Variants in NTAN1 observed in about 807,000 individuals in gnomAD.
NTAN1 encodes the protein N-terminal asparagine amidase.
Under a neutral mutation model 41.9 loss-of-function variants are expected in NTAN1, and 32 were observed. That is an observed-to-expected ratio of 0.76 (90% CI 0.58 to 1.03). The LOEUF is 1.03. NTAN1 is among the 50% of genes least tolerant of loss of function. NTAN1 has a pLI of 0.00. For missense variants in NTAN1, 377 were observed against 377.5 expected (o/e 1.00, Z 0.01); for synonymous variants, 140 against 139.5 (o/e 1.00, Z -0.03).
chr16:15,055,809 T>C (rs1006773757), intron 1 of NTAN1, 82 bp downstream of exon 1: 2 of 737,816 alleles, frequency 2.7e-6, no homozygotes, highest in Admixed American at 4.4e-5. Flanking sequence ...GTTTCAAGTC[T>C]GTGTCGCGTG....
chr16:15,054,138 C>T (rs1212399682), intron 1 of NTAN1, among the ~76,000 whole-genome samples: 1 of 152,198 alleles, frequency 6.6e-6, no homozygotes, highest in East Asian at 1.9e-4. Flanking sequence ...CCGCCGCGCC[C>T]CAGGCGGCTT....
At chr16:15,038,512 T>A in intron 9 of NTAN1, 62 bp downstream of exon 9, 1 of 968,054 alleles carries the variant, frequency 1.0e-6, no homozygotes, top group Non-Finnish European at 1.6e-6. Context: ...ACCCTTTTTT[T>A]CTTACAGATG....
At chr16:15,043,101 T>C (rs2043896201) in intron 5 of NTAN1, among the ~76,000 whole-genome samples, 1 of 152,096 alleles carries the variant, frequency 6.6e-6, no homozygotes, top group Non-Finnish European at 1.5e-5. Flanking sequence ...GGTTTCTCCA[T>C]GTTGGTCAGG....
At chr16:15,040,160 G>A (rs2043747393) in intron 7 of NTAN1, 94 bp from the exon 8 acceptor site, 1 of 685,446 alleles carries the variant, frequency 1.5e-6, no homozygotes, top group Non-Finnish European at 2.5e-6. Context: ...CTAAGAGAAA[G>A]ATAGGAAAGT....
At chr16:15,049,044 C>A (rs895268611) in intron 1 of NTAN1, among the ~76,000 whole-genome samples, 1 of 147,738 alleles carries the variant, frequency 6.8e-6, no homozygotes, top group Non-Finnish European at 1.5e-5. Flanking sequence ...CAGGCACACA[C>A]CGCCACACCT....
At chr16:15,053,480 TA>T (rs58008251) in intron 1 of NTAN1, among the ~76,000 whole-genome samples, 3 of 152,208 alleles carry the variant, frequency 2.0e-5, no homozygotes, top group Admixed American at 1.3e-4. Flanking sequence ...ATCATTTTTT[TA>T]AAAAAAGTAA....
At chr16:15,046,971 C>T (rs2044097614) in intron 4 of NTAN1, among the ~76,000 whole-genome samples, 1 of 152,152 alleles carries the variant, frequency 6.6e-6, no homozygotes, top group Admixed American at 6.6e-5. Flanking sequence ...CCCGCCTCAC[C>T]ACCCAACACC....
In NTAN1 at chr16:15,047,368, A is replaced by G; in HGVS notation, c.359+74T>C. On this transcript the variant is annotated intron_variant, in intron 4 of 9. Coordinates refer to ENST00000287706, the MANE Select transcript of NTAN1 (RefSeq NM_173474.4). The stretch of plus-strand genomic sequence containing the variant: ...TGGTGGCATCCTGTGTTCCCCTAAC[A>G]GCTTCCACAGCCACGTCCTGTATGC... 3.1e-6 allele frequency: 3 copies of G among 975,320 alleles called. No homozygotes were observed. In the Admixed American group the frequency reaches 5.2e-5, roughly 17 times the overall value. The allele number at this position is 975,320 out of a possible 1,614,324, so 60.4% of individuals were successfully genotyped here.
At chr16:15,050,265 T>A (rs1422279697) in intron 1 of NTAN1, among the ~76,000 whole-genome samples, 1 of 152,222 alleles carries the variant, frequency 6.6e-6, no homozygotes, top group Admixed American at 6.5e-5. Flanking sequence ...CAATGTATCA[T>A]AATTTCCTTC....
Position 15,038,592 on chromosome 16 carries a change from A to G in NTAN1, c.735T>C (p.Asp245=), listed in dbSNP as rs1170580333. The part of the protein sequence containing the change: ...FPHVDFWLHQ[D]DKQILENLST... ...CTCTCACCTCTAGTATTTGCTTGTC[A>G]TCTTGGTGCAACCAGAAATCCACAT... Residue 245 remains aspartate (D), a synonymous_variant, in exon 9 of 10, where the codon GAT becomes GAC. Coordinates refer to ENST00000287706, the MANE Select transcript of NTAN1 (RefSeq NM_173474.4). 1 of 1,593,262 alleles carries G rather than the reference A, an allele frequency of 6.3e-7. No individual in the cohort carries two copies. The highest frequency in any genetic ancestry group is 1.1e-5 in the South Asian group (1 of 90,552).
chr16:15,049,029 GA>G, intron 1 of NTAN1, among the ~76,000 whole-genome samples: 1 of 145,864 alleles, frequency 6.9e-6, no homozygotes, highest in African/African-American at 2.6e-5. Context: ...AAAGTGCTGG[GA>G]GTACAGGCAC....
intron 5 of NTAN1, 120 bp downstream of exon 5, chr16:15,044,214 G>A: frequency 1.5e-6 from 1 of 674,330 alleles, no homozygotes; most frequent in Admixed American, 2.2e-5. Flanking sequence ...CTGTTTCTCT[G>A]TGCTGCTCCA....
intron 7 of NTAN1, among the ~76,000 whole-genome samples, chr16:15,040,745 G>A (rs562715532): frequency 5.9e-4 from 90 of 152,258 alleles, no homozygotes; most frequent in Non-Finnish European, 6.3e-4. Flanking sequence ...AAAGCACGCC[G>A]GGCCTGGGGT....
Position 15,038,192 on chromosome 16 carries a change from G to A in NTAN1, c.772C>T (p.Leu258=). The change falls in exon 10 of 10, where the codon CTG becomes TTG. Residue 258 remains leucine (L), a synonymous_variant. Coordinates refer to ENST00000287706, the MANE Select transcript of NTAN1 (RefSeq NM_173474.4). ...QILENLSTSP[L]AEPPHFVEHI... ...TCAACAAAGTGGGGTGGCTCAGCCA[G>A]AGGCGAAGTGGAAAGATTCTGAAAA... 1 of 1,612,926 alleles carries A rather than the reference G, an allele frequency of 6.2e-7. No homozygotes were observed.
In NTAN1 at chr16:15,048,083, A is replaced by G; in HGVS notation, c.98T>C (p.Leu33Pro). Residue 33 changes from leucine (L) to proline (P), a missense_variant, in exon 2 of 10, where the codon CTC becomes CCC. Leu to Pro is a moderately conservative substitution (Grantham distance 98). Coordinates refer to ENST00000287706, the MANE Select transcript of NTAN1 (RefSeq NM_173474.4). ...CACTTGTTGAACAGACTGACCTCTGAGAAGTCTGGCTCTTTCCTGTTTAAT... is the reference window on the plus strand; with the variant it reads ...CACTTGTTGAACAGACTGACCTCTGGGAAGTCTGGCTCTTTCCTGTTTAAT... ...HPPLEERARL[L>P]RGQSVQQVGP... 1.2e-6 allele frequency: 2 copies of G among 1,604,242 alleles called. No homozygotes were observed. The highest frequency in any genetic ancestry group is 1.7e-6 in the Non-Finnish European group (2 of 1,172,008).
chr16:15,038,008 CTTTCTTTGGTAATTCATGTTTTT>C lies in NTAN1; in HGVS notation c.933_*22del. On this transcript the variant is annotated stop_retained_variant and 3_prime_UTR_variant, in exon 10 of 10. Coordinates refer to ENST00000287706, the MANE Select transcript of NTAN1 (RefSeq NM_173474.4). ...AATGGTCTGTCAGGCCAAGAAGGTG[CTTTCTTTGGTAATTCATGTTTTT>C]TAACTTCCTGGAGAAGAGATCTTTT... 6.3e-7 allele frequency: 1 copy of C among 1,592,458 alleles called. No individual in the cohort carries two copies.
rs929421746 is a variant in NTAN1, at chr16:15,039,719, C to A, written c.639+250G>T. On this transcript the variant is annotated intron_variant, in intron 8 of 9. Coordinates refer to ENST00000287706, the MANE Select transcript of NTAN1 (RefSeq NM_173474.4). ...AACAGAAGTTTGTTCTCTTTGAATT[C>A]GGATGCTGGGGTTCACACTTACCTC... Among the ~76,000 whole-genome samples the A allele has an allele frequency of 5.9e-5, 9 of 152,216 alleles. No individual in the cohort carries two copies. The South Asian group carries it at 1.2e-3, about 21-fold the overall frequency.
intron 1 of NTAN1, among the ~76,000 whole-genome samples, chr16:15,049,784 G>A (rs1224056154): frequency 6.6e-6 from 1 of 152,108 alleles, no homozygotes; most frequent in Admixed American, 6.6e-5. Flanking sequence ...TAAGTAAATT[G>A]GGCACAGAAC....
rs1225964496 is a variant in NTAN1 at position 15,044,541 on chromosome 16, C to T, written c.360-134G>A. 1.5e-5 allele frequency: 10 copies of T among 675,544 alleles called. No homozygotes were observed. The highest frequency in any genetic ancestry group is 7.2e-5 in the Admixed American group (3 of 41,598). The allele number at this position is 675,544 out of a possible 1,614,324, so 41.8% of individuals were successfully genotyped here. ...GAGCTGCAGGTCATCTTCGTGCCAC[C>T]GCAAAAGAAAGTATCGGCAGCACAC... On this transcript the variant is annotated intron_variant, in intron 4 of 9. Coordinates refer to ENST00000287706, the MANE Select transcript of NTAN1 (RefSeq NM_173474.4).
Sources: gnomAD v4.1 joint callset for allele counts (sites outside exome capture counted in the v4.1 genomes callset) on GRCh38, gnomAD v4.1.1 for gene constraint, MANE v1.5 for transcripts, NCBI Gene and HGNC (gene_info 2026-07-23, HGNC 2026-07-21) for gene names.